Variants in PTPRG observed in about 807,000 individuals in gnomAD.
PTPRG encodes the protein protein tyrosine phosphatase receptor type G.
A neutral mutation model predicts 165.3 loss-of-function variants in PTPRG; 102 were observed. That is an observed-to-expected ratio of 0.62 (90% confidence interval 0.53 to 0.73). The LOEUF (loss-of-function observed/expected upper bound fraction) is 0.73, where lower values mean the gene tolerates loss of function less well. PTPRG is among the 30% of genes least tolerant of loss of function. The pLI is 0.00. For missense variants in PTPRG, 1,866 were observed against 1,861.4 expected, an observed-to-expected ratio of 1.00 and a Z score of -0.05; for synonymous variants, 675 against 669.5, an observed-to-expected ratio of 1.01 and a Z score of -0.13.
At chr3:61,598,478 G>A (rs1700760420) in intron 1 of PTPRG, among the ~76,000 whole-genome samples, 1 of 151,986 alleles carries the variant, frequency 6.6e-6, no homozygotes, top group Admixed American at 6.6e-5. Context: ...CTTATTTTGG[G>A]GCTTTATTAC....
At chr3:62,052,925 A>C (rs1700509759) in intron 4 of PTPRG, among the ~76,000 whole-genome samples, 1 of 152,202 alleles carries the variant, frequency 6.6e-6, no homozygotes, top group East Asian at 1.9e-4. Flanking sequence ...ATACATATGC[A>C]TATCGCTTTG....
intron 2 of PTPRG, among the ~76,000 whole-genome samples, chr3:61,914,850 C>T (rs1281331241): frequency 1.3e-5 from 2 of 152,200 alleles, no homozygotes; most frequent in East Asian, 1.9e-4. Context: ...GAGAGGAATA[C>T]GTGGGCTTTA....
At chr3:62,281,492 C>CCGTAT in intron 26 of PTPRG, 71 bp from the exon 27 acceptor site, 1 of 1,325,318 alleles carries the variant, frequency 7.5e-7, no homozygotes, top group Non-Finnish European at 1.0e-6. Flanking sequence ...ATGACAAAAT[C>CCGTAT]CGTATGCAAG....
At chr3:61,943,461 C>G (rs554133729) in intron 2 of PTPRG, among the ~76,000 whole-genome samples, 1 of 152,274 alleles carries the variant, frequency 6.6e-6, no homozygotes, top group Non-Finnish European at 1.5e-5. Flanking sequence ...GCCTTTAATC[C>G]CAGCTACCTG....
chr3:61,598,500 G>A (rs1700760738), intron 1 of PTPRG, among the ~76,000 whole-genome samples: 1 of 152,112 alleles, frequency 6.6e-6, no homozygotes, highest in Non-Finnish European at 1.5e-5. Flanking sequence ...TGATGATAGA[G>A]TGAAGAGCTA....
intron 14 of PTPRG, among the ~76,000 whole-genome samples, chr3:62,235,101 G>A (rs1459809670): frequency 6.6e-6 from 1 of 152,148 alleles, no homozygotes. Flanking sequence ...CTTTTACCCA[G>A]ACATTTTAGA....
chr3:61,821,373 G>A (rs181361085), intron 2 of PTPRG, among the ~76,000 whole-genome samples: 23 of 152,226 alleles, frequency 1.5e-4, no homozygotes, highest in African/African-American at 5.5e-4. Flanking sequence ...GTTTTACCGT[G>A]TTAGCCAGGA....
At chr3:62,212,239 A>G (rs1700375813) in intron 12 of PTPRG, among the ~76,000 whole-genome samples, 1 of 152,120 alleles carries the variant, frequency 6.6e-6, no homozygotes, top group African/African-American at 2.4e-5. Context: ...TCACCTGCAC[A>G]TTACATCCAC....
chr3:61,636,351 C>G (rs1316226661), intron 1 of PTPRG, among the ~76,000 whole-genome samples: 1 of 152,228 alleles, frequency 6.6e-6, no homozygotes, highest in Non-Finnish European at 1.5e-5. Flanking sequence ...ACCTCCAGCC[C>G]TAAGCATCTA....
intron 5 of PTPRG, among the ~76,000 whole-genome samples, chr3:62,107,074 TG>T (rs1057278490): frequency 6.6e-6 from 1 of 152,218 alleles, no homozygotes; most frequent in Non-Finnish European, 1.5e-5. Flanking sequence ...AAGTTAGAGG[TG>T]TTCCAATTAA....
intron 1 of PTPRG, among the ~76,000 whole-genome samples, chr3:61,667,855 G>C (rs918531046): frequency 6.6e-6 from 1 of 151,436 alleles, no homozygotes; most frequent in Admixed American, 6.6e-5. Context: ...CTGATTCTAA[G>C]ACTTGATCCA....
intron 2 of PTPRG, among the ~76,000 whole-genome samples, chr3:61,940,974 G>C (rs2039612499): frequency 6.6e-6 from 1 of 151,860 alleles, no homozygotes; most frequent in Non-Finnish European, 1.5e-5. Flanking sequence ...AATGTGGTCT[G>C]GTGGAAGGAG....
At chr3:62,287,800 A>G (rs1397011558) in intron 28 of PTPRG, among the ~76,000 whole-genome samples, 1 of 152,158 alleles carries the variant, frequency 6.6e-6, no homozygotes, top group Admixed American at 6.5e-5. Flanking sequence ...CGCACCCAAG[A>G]GAGACTGCAC....
chr3:61,841,467 TAA>T (rs1254980991), intron 2 of PTPRG, among the ~76,000 whole-genome samples: 1 of 152,218 alleles, frequency 6.6e-6, no homozygotes, highest in African/African-American at 2.4e-5. Flanking sequence ...TTATCCAGAC[TAA>T]TGGGGCATTG....
chr3:62,157,585 A>G (rs968870274), intron 7 of PTPRG, among the ~76,000 whole-genome samples: 1 of 152,148 alleles, frequency 6.6e-6, no homozygotes, highest in African/African-American at 2.4e-5. Flanking sequence ...TTCATGAACA[A>G]CACTCTTGTG....
intron 15 of PTPRG, among the ~76,000 whole-genome samples, chr3:62,246,851 T>C (rs1016731655): frequency 6.6e-6 from 1 of 152,156 alleles, no homozygotes; most frequent in Non-Finnish European, 1.5e-5. Flanking sequence ...TTTGTCAAAT[T>C]ATTTTACCAC....
At chr3:61,665,156 C>G (rs1050221968) in intron 1 of PTPRG, among the ~76,000 whole-genome samples, 1 of 152,120 alleles carries the variant, frequency 6.6e-6, no homozygotes, top group Non-Finnish European at 1.5e-5. Context: ...TAGGTAGGGG[C>G]TAATCTTCAC....
At chr3:62,119,864 G>C (rs1703000502) in intron 5 of PTPRG, among the ~76,000 whole-genome samples, 1 of 141,766 alleles carries the variant, frequency 7.1e-6, no homozygotes, top group Non-Finnish European at 1.5e-5. Flanking sequence ...TCGATCTCCT[G>C]ACCTCGTGAT....
chr3:62,090,510 T>C (rs1003352889), intron 5 of PTPRG, among the ~76,000 whole-genome samples: 41 of 152,176 alleles, frequency 2.7e-4, no homozygotes, highest in Non-Finnish European at 5.7e-4. Context: ...TTAATGGCTG[T>C]CAGACCAAAG....
Sources: gnomAD v4.1 joint callset for allele counts (sites outside exome capture counted in the v4.1 genomes callset) on GRCh38, gnomAD v4.1.1 for gene constraint, MANE v1.5 for transcripts, NCBI Gene and HGNC (gene_info 2026-07-23, HGNC 2026-07-21) for gene names.